AFDN: variants seen among roughly 807,000 people sequenced by gnomAD.
AFDN encodes the protein afadin, adherens junction formation factor.
Under a neutral mutation model 216.6 loss-of-function variants are expected in AFDN, and 68 were observed. The ratio of observed to expected loss-of-function variants is 0.31; its 90% CI spans 0.26 to 0.38. AFDN has a LOEUF of 0.38. AFDN is among the 10% of genes least tolerant of loss of function. The probability of loss-of-function intolerance (pLI) is 1.00; values close to 1 mark genes in which losing one functional copy is unlikely to be tolerated. For missense variants in AFDN, 2,136 were observed against 2,342.0 expected (o/e 0.91, Z 1.82); for synonymous variants, 868 against 853.7 (o/e 1.02, Z -0.29).
rs1451203988 is a variant in AFDN at position 167,872,367 on chromosome 6, G to A, written c.568G>A (p.Gly190Arg). Residue 190 changes from glycine (G) to arginine (R), a missense_variant, in exon 4 of 34, where the codon GGG (glycine) becomes AGG (arginine). Coordinates refer to ENST00000683244, the MANE Select transcript of AFDN (RefSeq NM_001386888.1). Reference sequence around the variant, plus strand: ...TGATAAAGATGATAGACCTTTCCAAGGGGAGGATGTGTAAGTCAGTTTTGG... The same window carrying A: ...TGATAAAGATGATAGACCTTTCCAAAGGGAGGATGTGTAAGTCAGTTTTGG... ...ASDKDDRPFQGEDVENSRLAA... is the reference protein window; with the variant it reads ...ASDKDDRPFQREDVENSRLAA... 6.2e-7 allele frequency: 1 copy of A among 1,606,932 alleles called. No individual in the cohort carries two copies. Among genetic ancestry groups the A allele is most frequent in the South Asian group, 1.1e-5 (1 of 88,872 alleles).
In AFDN at chr6:167,924,288, T is replaced by C. The variant is rs568828602; in HGVS notation, c.3013-717T>C. Among the ~76,000 whole-genome samples, 11 of 152,310 alleles carry C rather than the reference T, an allele frequency of 7.2e-5. No individual in the cohort carries two copies. In the South Asian group the frequency reaches 2.3e-3, roughly 32 times the overall value. ...AGTGTGTATGCACTGTTAATTTTCT[T>C]CTTGAATTTTGTTTACTCTTTGGCG... On this transcript the variant is annotated intron_variant, in intron 22 of 33. Transcript: ENST00000683244.
At position 167,943,601 on chromosome 6, in the gene AFDN, T is replaced by C. The variant is rs76062758; in HGVS notation, c.3239+126T>C. ...TCATATTACTCTTTACCTTTTATAG[T>C]GTACGTGACATTTCACTTGTTATCA... On this transcript the variant is annotated intron_variant, in intron 25 of 33. Transcript: ENST00000683244. 1,549 of 698,250 alleles carry C rather than the reference T, an allele frequency of 2.2e-3. 28 individuals are homozygous for C. The East Asian group carries it at 0.035, about 16-fold the overall frequency. The allele number at this position is 698,250 out of a possible 1,614,324, so 43.3% of individuals were successfully genotyped here.
intron 1 of AFDN, among the ~76,000 whole-genome samples, chr6:167,829,940 G>C (rs145193584): frequency 6.6e-6 from 1 of 152,282 alleles, no homozygotes; most frequent in African/African-American, 2.4e-5. Flanking sequence ...CAAAGAATAA[G>C]CAGGCTATCA....
chr6:167,913,880 A>C, intron 16 of AFDN: 3 of 463,832 alleles, frequency 6.5e-6, no homozygotes, highest in Non-Finnish European at 1.1e-5. Context: ...ATTTGGTGTT[A>C]TATTATTTGA....
At position 167,962,603 on chromosome 6, in the gene AFDN, A is replaced by G; in HGVS notation, c.4968+36A>G. 1.9e-6 allele frequency: 3 copies of G among 1,613,538 alleles called. No homozygotes were observed. The highest frequency in any genetic ancestry group is 2.5e-6 in the Non-Finnish European group (3 of 1,179,490). The stretch of plus-strand genomic sequence containing the variant: ...TTTAAGGGCAGCTAGAATTTTACCA[A>G]GTTAGCCTGAACGTAATCGATTGGC... On this transcript the variant is annotated intron_variant, in intron 31 of 33. Coordinates refer to ENST00000683244, the MANE Select transcript of AFDN (RefSeq NM_001386888.1). The surrounding 1 kb of genome is among the most constrained non-coding windows in gnomAD (Gnocchi z 5.2).
chr6:167,854,904 A>G (rs2128192170), intron 1 of AFDN, among the ~76,000 whole-genome samples: 1 of 151,934 alleles, frequency 6.6e-6, no homozygotes, highest in African/African-American at 2.4e-5. Flanking sequence ...CCAGGAAAAA[A>G]AGAAAAACCA....
intron 23 of AFDN, chr6:167,932,866 TTGC>T (rs1418914565): frequency 6.6e-6 from 1 of 152,256 alleles, no homozygotes; most frequent in African/African-American, 2.4e-5. Flanking sequence ...AATAATTAAC[TTGC>T]TCATGAAGCA....
Position 167,918,812 on chromosome 6 carries a change from G to A in AFDN, c.2787G>A (p.Gln929=), listed in dbSNP as rs770324614. Residue 929 remains glutamine (Q), a synonymous_variant, in exon 21 of 34, where the codon CAG becomes CAA. Transcript: ENST00000683244. ...CCCGCAGTGATGGAAGGGAAGTGCA[G>A]TTGGAGGAGGATCCTGATCTGCAGC... ...ELARSDGREV[Q]LEEDPDLQLP... The A allele has an allele frequency of 1.8e-5, 29 of 1,612,988 alleles. No individual in the cohort carries two copies. Among genetic ancestry groups the A allele is most frequent in the Non-Finnish European group, 2.0e-5 (24 of 1,179,384 alleles).
chr6:167,832,673 C>A (rs1297088236), intron 1 of AFDN, among the ~76,000 whole-genome samples: 2 of 152,114 alleles, frequency 1.3e-5, no homozygotes, highest in Admixed American at 6.5e-5. Context: ...TTTATACTTA[C>A]AAATTTATGC....
At chr6:167,963,608 T>C (rs965996270) in intron 31 of AFDN, 1 of 1,058,464 alleles carries the variant, frequency 9.4e-7, no homozygotes, top group South Asian at 4.6e-5. Flanking sequence ...GAGTGAATAA[T>C]GTAAGGACAC....
intron 30 of AFDN, among the ~76,000 whole-genome samples, chr6:167,953,678 A>G (rs960599982): frequency 3.3e-5 from 5 of 152,226 alleles, no homozygotes; most frequent in Non-Finnish European, 5.9e-5. Context: ...TAAAAATTAC[A>G]GTACTTTAAA....
At chr6:167,858,113 TC>T (rs1200346797) in intron 1 of AFDN, among the ~76,000 whole-genome samples, 1 of 152,216 alleles carries the variant, frequency 6.6e-6, no homozygotes, top group Non-Finnish European at 1.5e-5. Context: ...GGGAAAACTT[TC>T]ACTTTTTGAT....
At chr6:167,872,506 C>A in intron 4 of AFDN, 129 bp downstream of exon 4, 1 of 972,742 alleles carries the variant, frequency 1.0e-6, no homozygotes, top group Non-Finnish European at 1.6e-6. Context: ...GTGTTTGGGT[C>A]TACTCCCAGC....
intron 5 of AFDN, among the ~76,000 whole-genome samples, chr6:167,877,190 T>C (rs559984758): frequency 6.6e-6 from 1 of 152,282 alleles, no homozygotes; most frequent in East Asian, 1.9e-4. Context: ...GGGAGGCATT[T>C]AGGATGGCCC....
intron 13 of AFDN, among the ~76,000 whole-genome samples, chr6:167,910,565 A>G (rs1583372634): frequency 1.3e-5 from 2 of 152,304 alleles, no homozygotes; most frequent in African/African-American, 4.8e-5. Context: ...ATCTCTTTAT[A>G]AGGCATGCGT....
chr6:167,833,644 C>T (rs1780071610), intron 1 of AFDN, among the ~76,000 whole-genome samples: 1 of 152,058 alleles, frequency 6.6e-6, no homozygotes, highest in South Asian at 2.1e-4. Context: ...GGAGAACCAA[C>T]AAAAATTCTG....
chr6:167,847,143 T>C (rs1402044687), intron 1 of AFDN, among the ~76,000 whole-genome samples: 4 of 152,166 alleles, frequency 2.6e-5, no homozygotes, highest in Admixed American at 2.6e-4. Flanking sequence ...CATCCAGTCG[T>C]TTATCTTCTG....
intron 8 of AFDN, among the ~76,000 whole-genome samples, chr6:167,891,425 G>GTA (rs1422503216): frequency 6.6e-6 from 1 of 151,318 alleles, no homozygotes; most frequent in East Asian, 1.9e-4. Context: ...GTGTGTGTGT[G>GTA]TGTGTGTGTG....
At chr6:167,843,956 ACT>A (rs1234368528) in intron 1 of AFDN, among the ~76,000 whole-genome samples, 1 of 152,092 alleles carries the variant, frequency 6.6e-6, no homozygotes, top group Non-Finnish European at 1.5e-5. Context: ...GACCTGTTTT[ACT>A]CAAAGGGAAA....
Sources: allele counts gnomAD v4.1 joint callset (sites outside exome capture counted in the v4.1 genomes callset), GRCh38; gene constraint gnomAD v4.1.1; non-coding constraint Gnocchi (gnomAD v3.1); transcripts MANE v1.5; gene names NCBI Gene and HGNC (gene_info 2026-07-23, HGNC 2026-07-21).